NCOA7: variants seen among roughly 807,000 people sequenced by gnomAD.
NCOA7 encodes the protein nuclear receptor coactivator 7.
A neutral mutation model predicts 104.3 loss-of-function variants in NCOA7; 45 were observed. That is an observed-to-expected ratio of 0.43 (90% CI 0.34 to 0.55). NCOA7 has a LOEUF of 0.55. NCOA7 is among the 20% of genes least tolerant of loss of function. NCOA7 has a pLI of 0.02. For synonymous variants in NCOA7, 398 were observed against 402.3 expected (o/e 0.99, Z 0.13); for missense variants, 1,041 against 1,119.7 (o/e 0.93, Z 1.00).
At chr6:125,892,247 T>A (rs948539974) in intron 10 of NCOA7, among the ~76,000 whole-genome samples, 25 of 152,228 alleles carry the variant, frequency 1.6e-4, no homozygotes, top group Non-Finnish European at 3.1e-4. Flanking sequence ...AATTGTGTTA[T>A]CTTTGCTGCA....
upstream of NCOA7, among the ~76,000 whole-genome samples, chr6:125,787,002 C>T (rs1275387273): frequency 6.6e-6 from 1 of 151,784 alleles, no homozygotes; most frequent in African/African-American, 2.4e-5. Context: ...CAAAAATTAG[C>T]CGGGTGTGGT....
At chr6:125,848,195 GT>G (rs1780792298) in intron 2 of NCOA7, among the ~76,000 whole-genome samples, 1 of 152,194 alleles carries the variant, frequency 6.6e-6, no homozygotes, top group African/African-American at 2.4e-5. Flanking sequence ...CTTTTACACT[GT>G]TGGTGGGAGT....
chr6:125,906,022 C>T (rs1345090586), intron 10 of NCOA7, among the ~76,000 whole-genome samples: 3 of 152,054 alleles, frequency 2.0e-5, no homozygotes, highest in Non-Finnish European at 4.4e-5. Context: ...AGGGTGGTCT[C>T]AAACTCCTGG....
intron 2 of NCOA7, among the ~76,000 whole-genome samples, chr6:125,822,220 A>G (rs1024988337): frequency 1.3e-5 from 2 of 152,256 alleles, no homozygotes; most frequent in African/African-American, 4.8e-5. Flanking sequence ...TCAGATACTC[A>G]GTCATAGCAC....
chr6:125,846,100 G>A (rs1246885131), intron 2 of NCOA7, among the ~76,000 whole-genome samples: 2 of 152,012 alleles, frequency 1.3e-5, no homozygotes, highest in African/African-American at 2.4e-5. Context: ...TTTCTTCCTG[G>A]AGCTATTAGC....
chr6:125,897,049 C>A (rs761516172), intron 10 of NCOA7, among the ~76,000 whole-genome samples: 31 of 152,224 alleles, frequency 2.0e-4, no homozygotes, highest in Non-Finnish European at 4.4e-4. Flanking sequence ...TTCAAAGTCT[C>A]ACTATCTCAT....
At chr6:125,806,269 A>AG (rs964457485) in intron 1 of NCOA7, among the ~76,000 whole-genome samples, 3 of 152,046 alleles carry the variant, frequency 2.0e-5, no homozygotes, top group African/African-American at 4.8e-5. Flanking sequence ...TGAACCCAGG[A>AG]GGGGGGGATT....
chr6:125,796,314 T>C lies in NCOA7; in HGVS notation c.-65+5247T>C, dbSNP rs1425876265. 8.7e-5 allele frequency among the ~76,000 whole-genome samples: 13 copies of C among 149,498 alleles called. No homozygotes were observed. The South Asian group carries it at 2.9e-3, about 33-fold the overall frequency. The stretch of plus-strand genomic sequence containing the variant: ...AGGGTTGAAGATTTTATTTAATCAT[T>C]CATCCTTCTTCTCTCCCCACCCCCC... On this transcript the variant is annotated intron_variant, in intron 1 of 15. Coordinates refer to ENST00000392477, the MANE Select transcript of NCOA7 (RefSeq NM_181782.5).
chr6:125,889,671 T>A lies in NCOA7; in HGVS notation c.1617T>A (p.Asn539Lys). The change falls in exon 9 of 16, where the codon AAT becomes AAA. Residue 539 changes from asparagine to lysine, a missense_variant. By Grantham distance (94) the Asn-to-Lys change is moderately conservative. This residue lies in a region of NCOA7 where 914 missense variants were observed against 942.7 expected (regional missense o/e 0.97). Coordinates refer to ENST00000392477, the MANE Select transcript of NCOA7 (RefSeq NM_181782.5). ...KNKEGPQVSE[N>K]LQKTELSDGK... is the part of the protein sequence containing the mutation. ...AAGAAGGGCCACAGGTATCTGAAAA[T>A]TTGCAGAAAACAGAATTAAGTGATG... The A allele has an allele frequency of 6.2e-7, 1 of 1,614,032 alleles. No individual in the cohort carries two copies. The highest frequency in any genetic ancestry group is 8.5e-7 in the Non-Finnish European group (1 of 1,179,994).
intron 8 of NCOA7, among the ~76,000 whole-genome samples, chr6:125,887,155 C>G (rs1435979314): frequency 2.0e-5 from 3 of 152,174 alleles, no homozygotes; most frequent in Non-Finnish European, 4.4e-5. Flanking sequence ...ACAAGGTAAT[C>G]TAGAAAGCTA....
At chr6:125,788,372 G>A (rs1243795839), upstream of NCOA7, among the ~76,000 whole-genome samples, 1 of 152,180 alleles carries the variant, frequency 6.6e-6, no homozygotes, top group African/African-American at 2.4e-5. Context: ...AACAAGTGAA[G>A]AATCTTTAGG....
intron 2 of NCOA7, among the ~76,000 whole-genome samples, chr6:125,827,158 A>G (rs2128587472): frequency 7.2e-6 from 1 of 138,676 alleles, no homozygotes; most frequent in Middle Eastern, 3.7e-3. Flanking sequence ...ATTGCAATCC[A>G]GCCTGGGCAA....
intron 3 of NCOA7, among the ~76,000 whole-genome samples, chr6:125,869,978 C>A (rs557979317): frequency 6.6e-6 from 1 of 152,356 alleles, no homozygotes; most frequent in African/African-American, 2.4e-5. Context: ...GAAACTAGTT[C>A]ATCATGCCAT....
rs190822526 is a variant in NCOA7 at position 125,865,055 on chromosome 6, G to T, written c.271+9815G>T. 8.0e-5 allele frequency among the ~76,000 whole-genome samples: 11 copies of T among 138,284 alleles called. 3 individuals carry two copies. Among genetic ancestry groups the T allele is most frequent in the Admixed American group, 2.7e-4 (4 of 14,594 alleles). 90.7% of individuals were successfully genotyped at this position (138,284 alleles called of 152,430 possible). On this transcript the variant is annotated intron_variant, in intron 3 of 15. Transcript: ENST00000392477. ...TATTTTCCATGAATGTCTCCTTTGT[G>T]TTAGATCCTTTATTTCACTATTTAA...
intron 3 of NCOA7, among the ~76,000 whole-genome samples, chr6:125,860,671 T>C (rs552401397): frequency 6.6e-6 from 1 of 152,298 alleles, no homozygotes; most frequent in South Asian, 2.1e-4. Flanking sequence ...ATTAAAGGAA[T>C]TCATTATTTC....
At chr6:125,876,601 T>TAAA (rs202233696) in intron 4 of NCOA7, among the ~76,000 whole-genome samples, 1 of 129,654 alleles carries the variant, frequency 7.7e-6, no homozygotes. Flanking sequence ...GTAGTGACAG[T>TAAA]AAAAAAAAAA....
intron 13 of NCOA7, among the ~76,000 whole-genome samples, chr6:125,925,860 T>C (rs1175195223): frequency 6.6e-6 from 1 of 152,212 alleles, no homozygotes; most frequent in East Asian, 1.9e-4. Context: ...AACACTATTA[T>C]ATAAAAGTTG....
chr6:125,896,192 G>C (rs1785006076), intron 10 of NCOA7, among the ~76,000 whole-genome samples: 1 of 151,808 alleles, frequency 6.6e-6, no homozygotes, highest in Non-Finnish European at 1.5e-5. Context: ...AAAAGTATCT[G>C]TAAAATCCTT....
chr6:125,802,873 G>A (rs1452804951), intron 1 of NCOA7, among the ~76,000 whole-genome samples: 1 of 152,102 alleles, frequency 6.6e-6, no homozygotes, highest in East Asian at 1.9e-4. Context: ...TCCAAGAAGA[G>A]ATCCTTGCAC....
Sources: gnomAD v4.1 joint callset for allele counts (sites outside exome capture counted in the v4.1 genomes callset) on GRCh38, gnomAD v4.1.1 for gene constraint, gnomAD v4.1.1 regional missense constraint, MANE v1.5 for transcripts, NCBI Gene and HGNC (gene_info 2026-07-23, HGNC 2026-07-21) for gene names.